The following ZNF469 variants were observed in gnomAD, a reference collection of about 807,000 sequenced individuals.
The protein encoded by ZNF469 is zinc finger protein 469.
Under a neutral mutation model 1.0 loss-of-function variants are expected in ZNF469, and 1 was observed. The observed-to-expected ratio is 1.00, with a 90% CI of 0.35 to 4.73. The LOEUF (loss-of-function observed/expected upper bound fraction) is 4.73, where lower values mean the gene tolerates loss of function less well. Among genes scored for constraint, ZNF469 ranks in the 30% most tolerant of loss-of-function variants. ZNF469 has a pLI of 0.16. For missense variants in ZNF469, 6,100 were observed against 5,356.3 expected, an observed-to-expected ratio of 1.14 and a Z score of -4.33; for synonymous variants, 2,703 against 2,363.4, an observed-to-expected ratio of 1.14 and a Z score of -4.17.
At chr16:88,245,737 G>C in the ZNF469 span, among the ~76,000 whole-genome samples, 2 of 152,280 alleles carry the variant, frequency 1.3e-5, no homozygotes, top group East Asian at 1.9e-4. Context: ...CAGATCACAC[G>C]GTGGGCAGGG....
chr16:88,230,294 T>G, the ZNF469 span, among the ~76,000 whole-genome samples: 1 of 152,266 alleles, frequency 6.6e-6, no homozygotes, highest in Non-Finnish European at 1.5e-5. Flanking sequence ...GGCTGCCGTC[T>G]GCTGTCTGCT....
chr16:88,434,052 G>C lies in ZNF469; in HGVS notation c.6582G>C (p.Val2194=). Residue 2194 remains valine (V), a synonymous_variant, in exon 3 of 3, where the codon GTG becomes GTC. Coordinates refer to ENST00000565624, the MANE Select transcript of ZNF469 (RefSeq NM_001367624.2). ...ATACTGGGGCTGAGGATTCCCCGGTGGCTCCCCCGTCTTTGACAACAAGCC... is the reference window on the plus strand; with the variant it reads ...ATACTGGGGCTGAGGATTCCCCGGTCGCTCCCCCGTCTTTGACAACAAGCC... ...TTDTGAEDSP[V]APPSLTTSPC... 6.5e-7 allele frequency: 1 copy of C among 1,550,286 alleles called. No homozygotes were observed. Among genetic ancestry groups the C allele is most frequent in the Non-Finnish European group, 8.7e-7 (1 of 1,146,892 alleles).
At chr16:88,249,264 G>C in the ZNF469 span, among the ~76,000 whole-genome samples, 3 of 151,200 alleles carry the variant, frequency 2.0e-5, no homozygotes, top group African/African-American at 7.3e-5. Flanking sequence ...GTCTCAGGCT[G>C]TTGCTCAGGC....
chr16:88,208,777 G>GCACACACACACACACACACACA, the ZNF469 span, among the ~76,000 whole-genome samples: 2 of 129,958 alleles, frequency 1.5e-5, no homozygotes, highest in Non-Finnish European at 3.3e-5. Context: ...GCGCGTGCGC[G>GCACACACACACACACACACACA]CGCACACACA....
chr16:88,277,409 T>C, the ZNF469 span, among the ~76,000 whole-genome samples: 2 of 148,424 alleles, frequency 1.3e-5, no homozygotes, highest in South Asian at 2.2e-4. Context: ...CAGTACCATG[T>C]AGATATCAGT....
chr16:88,390,303 C>T (rs1040311131), intron 1 of ZNF469, among the ~76,000 whole-genome samples: 14 of 152,154 alleles, frequency 9.2e-5, no homozygotes, highest in East Asian at 1.9e-4. Flanking sequence ...TAGGGGCACC[C>T]ACCAACTGGC....
chr16:88,227,056 GGCCTGCGCGTTTCC>G, the ZNF469 span, among the ~76,000 whole-genome samples: 8 of 147,528 alleles, frequency 5.4e-5, 1 homozygote, highest in East Asian at 2.1e-4. Flanking sequence ...TCCGCGCCGG[GGCCTGCGCGTTTCC>G]ACCCGTGCCT....
At chr16:88,398,725 C>G (rs1015062351) in intron 1 of ZNF469, among the ~76,000 whole-genome samples, 4 of 151,860 alleles carry the variant, frequency 2.6e-5, no homozygotes, top group African/African-American at 7.3e-5. Context: ...GAAGGGAACA[C>G]GTGAGTCCCA....
At chr16:88,280,339 C>T in the ZNF469 span, among the ~76,000 whole-genome samples, 8 of 151,994 alleles carry the variant, frequency 5.3e-5, no homozygotes, top group Admixed American at 2.0e-4. Flanking sequence ...TGCTGCGCTA[C>T]GCCGACACTT....
chr16:88,330,540 G>A, the ZNF469 span, among the ~76,000 whole-genome samples: 1 of 152,240 alleles, frequency 6.6e-6, no homozygotes, highest in Non-Finnish European at 1.5e-5. Flanking sequence ...TTCCTGGCAT[G>A]TCTTTGGTTC....
the ZNF469 span, among the ~76,000 whole-genome samples, chr16:88,121,451 T>A: frequency 1.1e-4 from 17 of 152,200 alleles, no homozygotes; most frequent in African/African-American, 4.1e-4. Context: ...AGGGGCTGGC[T>A]CAGTGAACTT....
chr16:88,348,604 G>A, the ZNF469 span, among the ~76,000 whole-genome samples: 2 of 152,210 alleles, frequency 1.3e-5, no homozygotes, highest in Admixed American at 1.3e-4. Flanking sequence ...GTGTCCCAGT[G>A]GACCGGGTCA....
the ZNF469 span, among the ~76,000 whole-genome samples, chr16:88,132,739 C>T: frequency 6.6e-6 from 1 of 152,236 alleles, no homozygotes. Flanking sequence ...TGGCTGTGCA[C>T]CTGGCTGAGT....
chr16:88,346,147 G>A, the ZNF469 span, among the ~76,000 whole-genome samples: 4 of 152,186 alleles, frequency 2.6e-5, no homozygotes, highest in South Asian at 2.1e-4. Context: ...GTGGGTGCCC[G>A]ACAGATATCT....
the ZNF469 span, among the ~76,000 whole-genome samples, chr16:88,174,459 C>G: frequency 7.1e-6 from 1 of 141,702 alleles, no homozygotes; most frequent in African/African-American, 2.7e-5. Flanking sequence ...CAGAATTTGT[C>G]TGTCGTCTGT....
At chr16:88,154,364 C>T in the ZNF469 span, among the ~76,000 whole-genome samples, 3 of 152,172 alleles carry the variant, frequency 2.0e-5, no homozygotes, top group Admixed American at 6.5e-5. Context: ...TGGGGTTTCG[C>T]CATGTTGGCC....
rs1597210574 is a variant in ZNF469, at chr16:88,433,066, A to C, written c.5596A>C (p.Thr1866Pro). The C allele has an allele frequency of 6.5e-7, 1 of 1,550,136 alleles. No homozygotes were observed. The highest frequency in any genetic ancestry group is 8.7e-7 in the Non-Finnish European group (1 of 1,146,904). The stretch of plus-strand genomic sequence containing the variant: ...TGCACCGGCGGGGGCCTCCTCACTG[A>C]CTGCCCCCCGGGGCAGGGAGGCTTG... ...EFAPAGASSL[T>P]APRGREAWLV... Residue 1866 changes from threonine (T) to proline (P), a missense_variant, in exon 3 of 3, where the codon ACT (threonine) becomes CCT (proline). Thr to Pro is a conservative substitution (Grantham distance 38). Transcript: ENST00000565624.
At chr16:88,327,566 G>T in the ZNF469 span, among the ~76,000 whole-genome samples, 12 of 152,098 alleles carry the variant, frequency 7.9e-5, no homozygotes, top group Non-Finnish European at 1.6e-4. Flanking sequence ...GGGGGGGTCT[G>T]TGCTCACGGT....
the ZNF469 span, among the ~76,000 whole-genome samples, chr16:88,311,076 G>C: frequency 6.6e-6 from 1 of 152,194 alleles, no homozygotes; most frequent in Non-Finnish European, 1.5e-5. Flanking sequence ...TGAGGATCTT[G>C]ACAGTTTTGA....
Sources: allele counts gnomAD v4.1 joint callset (sites outside exome capture counted in the v4.1 genomes callset), GRCh38; gene constraint gnomAD v4.1.1; transcripts MANE v1.5; gene names NCBI Gene and HGNC (gene_info 2026-07-23, HGNC 2026-07-21).